SKAP2: variants seen among roughly 807,000 people sequenced by gnomAD.
The protein encoded by SKAP2 is src kinase associated phosphoprotein 2.
SKAP2 carries 28 observed loss-of-function variants against 54.9 expected under a neutral mutation model. The observed-to-expected ratio is 0.51, with a 90% CI of 0.38 to 0.70. The LOEUF (loss-of-function observed/expected upper bound fraction) is 0.70. Ranked by LOEUF, SKAP2 falls within the 30% of genes least tolerant of loss-of-function variation. The pLI, the probability that SKAP2 is intolerant of heterozygous loss-of-function variation, is 0.00. For missense variants in SKAP2, 356 were observed against 424.1 expected (o/e 0.84, Z 1.41); for synonymous variants, 137 against 134.3 (o/e 1.02, Z -0.14).
At chr7:26,663,891 C>T (rs528271962), downstream of SKAP2, among the ~76,000 whole-genome samples, 4 of 152,230 alleles carry the variant, frequency 2.6e-5, no homozygotes, top group South Asian at 2.1e-4. Flanking sequence ...ATAAAAGTTT[C>T]GTCTCCATTG....
intron 9 of SKAP2, among the ~76,000 whole-genome samples, chr7:26,721,300 T>C (rs1401777470): frequency 7.2e-5 from 11 of 152,192 alleles, no homozygotes; most frequent in Non-Finnish European, 1.5e-4. Context: ...TAACCACTTA[T>C]TGACTAAATT....
chr7:26,690,232 G>C (rs1368049470), intron 10 of SKAP2, 53 bp downstream of exon 10: 1 of 1,251,912 alleles, frequency 8.0e-7, no homozygotes, highest in East Asian at 2.3e-5. Context: ...TGGATAAAAT[G>C]AAAGTGAACA....
chr7:26,715,306 T>C (rs1787404569), intron 9 of SKAP2, among the ~76,000 whole-genome samples: 1 of 150,414 alleles, frequency 6.6e-6, no homozygotes, highest in South Asian at 2.1e-4. Context: ...CCATCAATAA[T>C]TTCTAGTGAT....
intron 4 of SKAP2, among the ~76,000 whole-genome samples, chr7:26,824,097 A>AGAATCAATCAAC (rs1554304153): frequency 6.6e-6 from 1 of 150,852 alleles, no homozygotes; most frequent in African/African-American, 2.4e-5. Flanking sequence ...CATGGAAAGA[A>AGAATCAATCAAC]GAATCAATCA....
intron 4 of SKAP2, among the ~76,000 whole-genome samples, chr7:26,777,900 T>G (rs1372504468): frequency 6.6e-6 from 1 of 152,100 alleles, no homozygotes; most frequent in African/African-American, 2.4e-5. Context: ...CATACTCATT[T>G]TTTTTTAACA....
At chr7:26,823,726 T>C (rs758030259) in intron 4 of SKAP2, among the ~76,000 whole-genome samples, 78 of 152,160 alleles carry the variant, frequency 5.1e-4, no homozygotes, top group Non-Finnish European at 9.0e-4. Context: ...ATGGATGACT[T>C]TGAGGGGTGC....
intron 4 of SKAP2, among the ~76,000 whole-genome samples, chr7:26,795,858 C>T (rs980069405): frequency 6.6e-6 from 1 of 152,262 alleles, no homozygotes; most frequent in Admixed American, 6.5e-5. Flanking sequence ...TTGATAAGTG[C>T]AAATAGCAGT....
Position 26,691,906 on chromosome 7 carries a change from G to C in SKAP2, c.797-1544C>G, listed in dbSNP as rs564600730. ...ACGCTCATAGTTTGGACCAGCTGTTGAGGGGCCATGAACATCTTGTTATGG... is the reference window on the plus strand; with the variant it reads ...ACGCTCATAGTTTGGACCAGCTGTTCAGGGGCCATGAACATCTTGTTATGG... On this transcript the variant is annotated intron_variant, in intron 9 of 12. Coordinates refer to ENST00000345317, the MANE Select transcript of SKAP2 (RefSeq NM_003930.5). Among the ~76,000 whole-genome samples, 5 of 152,162 alleles carry C rather than the reference G, an allele frequency of 3.3e-5. No individual in the cohort carries two copies. In the East Asian group the frequency reaches 9.6e-4, roughly 29 times the overall value.
At chr7:26,850,586 AAAAAAAAAAG>A (rs916027153) in intron 3 of SKAP2, among the ~76,000 whole-genome samples, 4 of 148,948 alleles carry the variant, frequency 2.7e-5, no homozygotes, top group African/African-American at 9.8e-5. Context: ...ATCCTATCTC[AAAAAAAAAAG>A]AAAAAAAAAG....
chr7:26,761,148 G>A (rs1782921113), intron 4 of SKAP2, among the ~76,000 whole-genome samples: 1 of 152,152 alleles, frequency 6.6e-6, no homozygotes, highest in South Asian at 2.1e-4. Flanking sequence ...AAAAACCAGA[G>A]AGGAAAGCAT....
rs1408639844 is a variant in SKAP2, at chr7:26,789,755, A to G, written c.308-49791T>C. Reference sequence around the variant, plus strand: ...GTTTAATGCCGCACTAATTATTTCAATGGGGAATAATTTTGTACAGTCAAA... The same window carrying G: ...GTTTAATGCCGCACTAATTATTTCAGTGGGGAATAATTTTGTACAGTCAAA... On this transcript the variant is annotated intron_variant, in intron 4 of 12. Transcript: ENST00000345317. 3.3e-5 allele frequency among the ~76,000 whole-genome samples: 5 copies of G among 152,252 alleles called. No homozygotes were observed. The East Asian group carries it at 9.7e-4, about 29-fold the overall frequency.
At chr7:26,813,120 TAA>T (rs141130539) in intron 4 of SKAP2, among the ~76,000 whole-genome samples, 3 of 151,978 alleles carry the variant, frequency 2.0e-5, no homozygotes, top group Non-Finnish European at 2.9e-5. Context: ...TCAATTTTTT[TAA>T]AAATTATTAG....
intron 4 of SKAP2, among the ~76,000 whole-genome samples, chr7:26,775,706 A>C (rs1324571610): frequency 6.6e-6 from 1 of 152,010 alleles, no homozygotes; most frequent in Non-Finnish European, 1.5e-5. Flanking sequence ...CCCCTTCCCT[A>C]AATTCTGGCA....
chr7:26,687,123 A>G (rs1278341450), intron 10 of SKAP2, among the ~76,000 whole-genome samples: 1 of 151,104 alleles, frequency 6.6e-6, no homozygotes, highest in Non-Finnish European at 1.5e-5. Context: ...GTGATTTCTA[A>G]CACATAATCC....
At chr7:26,674,013 G>A (rs77523999) in intron 11 of SKAP2, among the ~76,000 whole-genome samples, 1,801 of 152,164 alleles carry the variant, frequency 0.012, 35 homozygotes, top group African/African-American at 0.041. Context: ...CATTTATCGA[G>A]TATGTTAATC....
chr7:26,683,281 G>C (rs992485863), intron 11 of SKAP2, among the ~76,000 whole-genome samples: 1 of 152,130 alleles, frequency 6.6e-6, no homozygotes, highest in African/African-American at 2.4e-5. Context: ...CTTAACTCAG[G>C]ACAATTTAAT....
Position 26,722,441 on chromosome 7 carries a change from G to T in SKAP2, c.796+2987C>A, listed in dbSNP as rs532877477. On this transcript the variant is annotated intron_variant, in intron 9 of 12. Coordinates refer to ENST00000345317, the MANE Select transcript of SKAP2 (RefSeq NM_003930.5). ...CAGTCTCACTCTGTTGCCCAGGCTG[G>T]AGTGTAGTGCCTCAATCTTGGCTCA... 4.9e-5 allele frequency among the ~76,000 whole-genome samples: 7 copies of T among 141,652 alleles called. No homozygotes were observed. In the East Asian group the frequency reaches 1.5e-3, roughly 30 times the overall value. 92.9% of individuals were successfully genotyped at this position (141,652 alleles called of 152,430 possible). A position where few individuals can be genotyped will look rare whatever the true frequency, so the allele number is the denominator to read the frequency against.
chr7:26,829,133 G>T (rs1338779678), intron 4 of SKAP2, among the ~76,000 whole-genome samples: 2 of 152,180 alleles, frequency 1.3e-5, no homozygotes, highest in South Asian at 4.1e-4. Flanking sequence ...TCAAGAAAGT[G>T]AAATGAAAAC....
At chr7:26,675,655 T>C (rs544588316) in intron 11 of SKAP2, among the ~76,000 whole-genome samples, 2 of 152,346 alleles carry the variant, frequency 1.3e-5, no homozygotes, top group South Asian at 4.1e-4. Context: ...AATATTTTCT[T>C]AAGAAATGTA....
Sources: allele counts gnomAD v4.1 joint callset (sites outside exome capture counted in the v4.1 genomes callset), GRCh38; gene constraint gnomAD v4.1.1; transcripts MANE v1.5; gene names NCBI Gene and HGNC (gene_info 2026-07-23, HGNC 2026-07-21).